The following SPATS2L variants were observed in gnomAD, a reference collection of about 807,000 sequenced individuals.
The protein encoded by SPATS2L is SPATS2-like protein.
SPATS2L carries 30 observed loss-of-function variants against 59.6 expected under a neutral mutation model. That is an observed-to-expected ratio of 0.50 (90% CI 0.38 to 0.68). SPATS2L has a LOEUF of 0.68. Among genes scored for constraint, SPATS2L ranks in the 30% least tolerant of loss-of-function variants. The pLI, the probability that SPATS2L is intolerant of heterozygous loss-of-function variation, is 0.00. For missense variants in SPATS2L, 615 were observed against 700.0 expected, an observed-to-expected ratio of 0.88 and a Z score of 1.37; for synonymous variants, 252 against 263.5, an observed-to-expected ratio of 0.96 and a Z score of 0.42.
chr2:200,338,125 C>T (rs925717910), intron 2 of SPATS2L, among the ~76,000 whole-genome samples: 6 of 152,042 alleles, frequency 3.9e-5, no homozygotes, highest in Admixed American at 1.3e-4. Context: ...CCTGGGCTCA[C>T]GTGATCCTCC....
At chr2:200,395,269 C>G (rs2578353) in intron 3 of SPATS2L, among the ~76,000 whole-genome samples, 1,552 of 152,260 alleles carry the variant, frequency 0.01, 23 homozygotes, top group African/African-American at 0.035. Context: ...AATGCATTCC[C>G]ATAAATCAGT....
At chr2:200,454,056 A>C (rs1401117089) in intron 8 of SPATS2L, among the ~76,000 whole-genome samples, 1 of 152,144 alleles carries the variant, frequency 6.6e-6, no homozygotes, top group South Asian at 2.1e-4. Context: ...CAGCTGAAGT[A>C]CTTTCCCCAC....
chr2:200,425,121 TCCCCCCGC>T (rs1306127166), intron 6 of SPATS2L, among the ~76,000 whole-genome samples: 14 of 16,068 alleles, frequency 8.7e-4, no homozygotes, highest in African/African-American at 3.3e-3. Flanking sequence ...GAATGTTAGT[TCCCCCCGC>T]CCCCCCCCCC....
Position 200,482,262 on chromosome 2 carries a change from A to C in SPATS2L, c.*4231A>C, listed in dbSNP as rs1226520374. On this transcript the variant is annotated 3_prime_UTR_variant, in exon 13 of 13. Coordinates refer to ENST00000409140, the MANE Select transcript of SPATS2L (RefSeq NM_001100423.2). ...TTGCTTCTTTAATAAATTCTAACAA[A>C]GTTTTGTGTTTATTCTTAGTTTCAA... 6.6e-6 allele frequency: 1 copy of C among 152,218 alleles called. No individual in the cohort carries two copies. The highest frequency in any genetic ancestry group is 1.5e-5 in the Non-Finnish European group (1 of 68,034). 9.4% of individuals were successfully genotyped at this position (152,218 alleles called of 1,614,324 possible). A position where few individuals can be genotyped will look rare whatever the true frequency, so the allele number is the denominator to read the frequency against.
intron 9 of SPATS2L, among the ~76,000 whole-genome samples, chr2:200,464,320 T>C (rs2086439443): frequency 6.6e-6 from 1 of 152,254 alleles, no homozygotes; most frequent in South Asian, 2.1e-4. Flanking sequence ...AATGAGACTA[T>C]ATGTAAAATG....
At chr2:200,443,960 A>G (rs1574569767) in intron 8 of SPATS2L, among the ~76,000 whole-genome samples, 1 of 152,234 alleles carries the variant, frequency 6.6e-6, no homozygotes, top group African/African-American at 2.4e-5. Flanking sequence ...TTTAAGCAGG[A>G]TACAGTTACG....
intron 1 of SPATS2L, among the ~76,000 whole-genome samples, chr2:200,309,323 A>AT (rs2079123986): frequency 6.6e-6 from 1 of 152,310 alleles, no homozygotes; most frequent in South Asian, 2.1e-4. Flanking sequence ...TACAGTTTGG[A>AT]TAGGATGGAA....
chr2:200,417,558 A>C (rs368054878), intron 5 of SPATS2L, among the ~76,000 whole-genome samples: 1 of 152,062 alleles, frequency 6.6e-6, no homozygotes, highest in Non-Finnish European at 1.5e-5. Flanking sequence ...TGCAGACCCA[A>C]CTCATTACTG....
In SPATS2L at chr2:200,340,814, T is replaced by G. The variant is rs2080299358; in HGVS notation, c.-23+11334T>G. Among the ~76,000 whole-genome samples the G allele has an allele frequency of 2.0e-5, 3 of 152,182 alleles. No individual in the cohort carries two copies. The South Asian group carries it at 6.2e-4, about 31-fold the overall frequency. On this transcript the variant is annotated intron_variant, in intron 2 of 12. Transcript: ENST00000409140. ...GTATTTTTCTGGAAACAAAAATAAATGGGGTTCTTTTCAGAAGGCACACTT... is the reference window on the plus strand; with the variant it reads ...GTATTTTTCTGGAAACAAAAATAAAGGGGGTTCTTTTCAGAAGGCACACTT...
chr2:200,362,883 C>T (rs151260690), intron 2 of SPATS2L, among the ~76,000 whole-genome samples: 4 of 152,300 alleles, frequency 2.6e-5, no homozygotes, highest in Admixed American at 2.0e-4. Flanking sequence ...TGATGAGATA[C>T]ACCTATCCTC....
intron 1 of SPATS2L, chr2:200,309,204 A>G (rs2079120734): frequency 2.8e-6 from 2 of 711,188 alleles, no homozygotes; most frequent in African/African-American, 3.5e-5. Flanking sequence ...ATCACAGTGA[A>G]TGTTCGTGAA....
At chr2:200,472,780 G>T in intron 11 of SPATS2L, 52 bp from the exon 12 acceptor site, 1 of 1,497,018 alleles carries the variant, frequency 6.7e-7, no homozygotes, top group Non-Finnish European at 9.3e-7. Flanking sequence ...GGGTTACTGA[G>T]GCAGCAGTGT....
rs756130852 is a variant in SPATS2L, at chr2:200,439,209, A to C, written c.533A>C (p.Gln178Pro). The change falls in exon 7 of 13, where the codon CAG (glutamine) becomes CCG (proline). Residue 178 changes from glutamine to proline, a missense_variant. By Grantham distance (76) the Gln-to-Pro change is moderately conservative. Coordinates refer to ENST00000409140, the MANE Select transcript of SPATS2L (RefSeq NM_001100423.2). ...HGTTERSDGL[Q>P]WSAEQPCNPS... ...ACAACAGAGAGGTCAGATGGCCTAC[A>C]GTGGTCAGCTGAGCAGCCTTGTAAC... 1.2e-6 allele frequency: 2 copies of C among 1,613,692 alleles called. No homozygotes were observed. The highest frequency in any genetic ancestry group is 3.3e-5 in the Admixed American group (2 of 59,976).
Position 200,472,877 on chromosome 2 carries a change from C to A in SPATS2L, c.1106C>A (p.Ser369Tyr). Residue 369 changes from serine to tyrosine, a missense_variant, in exon 12 of 13, where the codon TCC (serine) becomes TAC (tyrosine). Physicochemically the swap from Ser to Tyr is moderately radical, Grantham distance 144. This residue lies in a region of SPATS2L where 284 missense variants were observed against 280.1 expected (regional missense o/e 1.01). Coordinates refer to ENST00000409140, the MANE Select transcript of SPATS2L (RefSeq NM_001100423.2). ...NNYSSRTPCS[S>Y]LLPLLNAHAA... is the part of the protein sequence containing the mutation. ...TATTCCTCAAGAACTCCCTGCAGCT[C>A]CCTGCTGCCTCTGCTGAATGCGCAC... 1 of 1,613,972 alleles carries A rather than the reference C, an allele frequency of 6.2e-7. No individual in the cohort carries two copies. Among genetic ancestry groups the A allele is most frequent in the Non-Finnish European group, 8.5e-7 (1 of 1,179,894 alleles).
chr2:200,416,489 T>C (rs1266930327), intron 5 of SPATS2L, 61 bp downstream of exon 5: 9 of 1,013,112 alleles, frequency 8.9e-6, no homozygotes, highest in Non-Finnish European at 1.1e-5. Flanking sequence ...ATGGTTGTTA[T>C]CATTTTAACA....
rs1306963277 is a variant in SPATS2L at position 200,306,831 on chromosome 2, G to A, written c.-164G>A. ...CGCTCGGCCCGCCCTCCGAGCCGCAGGGGCCGCCACCGCCGCGGCGCCTCC... is the reference window on the plus strand; with the variant it reads ...CGCTCGGCCCGCCCTCCGAGCCGCAAGGGCCGCCACCGCCGCGGCGCCTCC... On this transcript the variant is annotated 5_prime_UTR_variant, in exon 1 of 13. Transcript: ENST00000409140. 2 of 980,798 alleles carry A rather than the reference G, an allele frequency of 2.0e-6. No individual in the cohort carries two copies. The highest frequency in any genetic ancestry group is 1.8e-5 in the African/African-American group (1 of 56,788). The allele number at this position is 980,798 out of a possible 1,614,324, so 60.8% of individuals were successfully genotyped here. A position where few individuals can be genotyped will look rare whatever the true frequency, so the allele number is the denominator to read the frequency against.
intron 3 of SPATS2L, among the ~76,000 whole-genome samples, chr2:200,404,373 G>C (rs567688885): frequency 1.0e-3 from 155 of 152,316 alleles, no homozygotes; most frequent in African/African-American, 3.5e-3. Context: ...TGATGTGCTA[G>C]TTATTTATGA....
chr2:200,357,685 T>C (rs1429869573), intron 2 of SPATS2L, among the ~76,000 whole-genome samples: 1 of 152,152 alleles, frequency 6.6e-6, no homozygotes, highest in African/African-American at 2.4e-5. Flanking sequence ...TAGGGAAACT[T>C]TACTCCCATT....
At chr2:200,460,718 T>A (rs2086175642) in intron 9 of SPATS2L, 1 of 151,232 alleles carries the variant, frequency 6.6e-6, no homozygotes, top group Non-Finnish European at 1.5e-5. Flanking sequence ...ACCACTGCAC[T>A]CCAGCCTAGG....
Sources: gnomAD v4.1 joint callset for allele counts (sites outside exome capture counted in the v4.1 genomes callset) on GRCh38, gnomAD v4.1.1 for gene constraint, gnomAD v4.1.1 regional missense constraint, MANE v1.5 for transcripts, NCBI Gene and HGNC (gene_info 2026-07-23, HGNC 2026-07-21) for gene names.